Variants in EBF1 observed in about 807,000 individuals in gnomAD.
The protein encoded by EBF1 is EBF transcription factor 1.
Under a neutral mutation model 68.4 loss-of-function variants are expected in EBF1, and 10 were observed. The ratio of observed to expected loss-of-function variants is 0.15; its 90% CI spans 0.09 to 0.25. The LOEUF (loss-of-function observed/expected upper bound fraction) is 0.25, where lower values mean the gene tolerates loss of function less well. EBF1 is among the 10% of genes least tolerant of loss of function. EBF1 has a pLI of 1.00. For synonymous variants in EBF1, 298 were observed against 299.8 expected (o/e 0.99, Z 0.06); for missense variants, 509 against 794.4 (o/e 0.64, Z 4.32).
At chr5:159,096,213 A>T in intron 3 of EBF1, 130 bp downstream of exon 3, 2 of 985,692 alleles carry the variant, frequency 2.0e-6, no homozygotes, top group Non-Finnish European at 2.9e-6. Context: ...AATTTAGGAG[A>T]GGCTGGTTCA....
chr5:158,935,503 C>A (rs1264919904), intron 6 of EBF1, among the ~76,000 whole-genome samples: 1 of 152,194 alleles, frequency 6.6e-6, no homozygotes, highest in Non-Finnish European at 1.5e-5. Context: ...TGCAGACTCA[C>A]TGCATGTGCA....
chr5:158,992,841 C>T (rs1173855998), intron 6 of EBF1, among the ~76,000 whole-genome samples: 1 of 148,212 alleles, frequency 6.7e-6, no homozygotes, highest in African/African-American at 2.5e-5. Context: ...CTGTGCTTGT[C>T]TATTTTGCTG....
intron 6 of EBF1, among the ~76,000 whole-genome samples, chr5:158,974,609 A>G (rs946343267): frequency 4.6e-5 from 7 of 152,214 alleles, no homozygotes; most frequent in African/African-American, 1.7e-4. Flanking sequence ...CGCTGTCATG[A>G]TCAATCGTAA....
chr5:158,879,609 G>T (rs187621254), intron 6 of EBF1, among the ~76,000 whole-genome samples: 1 of 152,090 alleles, frequency 6.6e-6, no homozygotes, highest in Non-Finnish European at 1.5e-5. Context: ...GAATAGTGCC[G>T]CAATAAACAT....
At chr5:159,091,196 C>A (rs1035684563) in intron 4 of EBF1, among the ~76,000 whole-genome samples, 1 of 152,166 alleles carries the variant, frequency 6.6e-6, no homozygotes, top group Non-Finnish European at 1.5e-5. Flanking sequence ...TAAATATCCC[C>A]GAACAAATGG....
At position 158,999,725 on chromosome 5, in the gene EBF1, A is replaced by G. The variant is rs1020999527; in HGVS notation, c.554+73671T>C. On this transcript the variant is annotated intron_variant, in intron 6 of 15. Coordinates refer to ENST00000313708, the MANE Select transcript of EBF1 (RefSeq NM_024007.5). ...TTTTTTTCTTTCTTCTTTGAAATGA[A>G]GCACAAAGATTCAATAAGAAATAAA... 3.3e-5 allele frequency among the ~76,000 whole-genome samples: 5 copies of G among 152,342 alleles called. No homozygotes were observed. The South Asian group carries it at 1.0e-3, about 32-fold the overall frequency.
At chr5:159,043,311 G>A (rs926587717) in intron 6 of EBF1, among the ~76,000 whole-genome samples, 4 of 152,144 alleles carry the variant, frequency 2.6e-5, no homozygotes, top group African/African-American at 9.7e-5. Flanking sequence ...CTTCACTGAG[G>A]ACACATTTCC....
In EBF1 at chr5:158,720,463, T is replaced by C. The variant is rs191469925; in HGVS notation, c.1126-6281A>G. Among the ~76,000 whole-genome samples the C allele has an allele frequency of 2.9e-3, 436 of 152,276 alleles. 2 individuals are homozygous for C. Among genetic ancestry groups the C allele is most frequent in the African/African-American group, 9.9e-3 (411 of 41,568 alleles). Reference sequence around the variant, plus strand: ...AGCCAAATGGAAAATTCCACAATGGTAGACTTTGCATTCTAAAAAATCAGT... The same window carrying C: ...AGCCAAATGGAAAATTCCACAATGGCAGACTTTGCATTCTAAAAAATCAGT... On this transcript the variant is annotated intron_variant, in intron 11 of 15. Transcript: ENST00000313708.
chr5:158,971,119 G>A (rs1238997665), intron 6 of EBF1, among the ~76,000 whole-genome samples: 3 of 152,208 alleles, frequency 2.0e-5, no homozygotes, highest in Non-Finnish European at 4.4e-5. Context: ...CATTTATCAT[G>A]GACTCAAAAT....
intron 8 of EBF1, among the ~76,000 whole-genome samples, chr5:158,811,843 C>T (rs1782731746): frequency 6.6e-6 from 1 of 152,088 alleles, no homozygotes; most frequent in Admixed American, 6.5e-5. Context: ...TCCCTATTTG[C>T]CCTCCCTACA....
At chr5:158,901,135 C>T (rs1803227253) in intron 6 of EBF1, among the ~76,000 whole-genome samples, 1 of 152,234 alleles carries the variant, frequency 6.6e-6, no homozygotes. Context: ...TTGTTAACTT[C>T]TACCACATGG....
chr5:158,863,381 C>T (rs1467279683), intron 6 of EBF1, among the ~76,000 whole-genome samples: 1 of 152,236 alleles, frequency 6.6e-6, no homozygotes, highest in Non-Finnish European at 1.5e-5. Context: ...TCACATTGCT[C>T]TATGACTGCC....
At chr5:158,710,439 T>C (rs1758945841) in intron 14 of EBF1, among the ~76,000 whole-genome samples, 1 of 152,194 alleles carries the variant, frequency 6.6e-6, no homozygotes, top group Non-Finnish European at 1.5e-5. Context: ...ATCGAAACAT[T>C]TTCTGACTGA....
At chr5:158,892,951 G>A (rs1415125590) in intron 6 of EBF1, among the ~76,000 whole-genome samples, 2 of 151,410 alleles carry the variant, frequency 1.3e-5, no homozygotes, top group Non-Finnish European at 2.9e-5. Context: ...TATTCCTTTG[G>A]CTTCATTTCT....
At chr5:158,939,203 A>AG (rs1812724718) in intron 6 of EBF1, among the ~76,000 whole-genome samples, 1 of 152,306 alleles carries the variant, frequency 6.6e-6, no homozygotes, top group South Asian at 2.1e-4. Flanking sequence ...ACAAGGGCTG[A>AG]GTCTTCTGAA....
chr5:158,752,009 G>C (rs1769009056), intron 10 of EBF1, among the ~76,000 whole-genome samples: 1 of 151,898 alleles, frequency 6.6e-6, no homozygotes, highest in Non-Finnish European at 1.5e-5. Context: ...TAAGGTTCAA[G>C]GGAATAATTA....
chr5:158,921,220 T>C (rs1009551284), intron 6 of EBF1, among the ~76,000 whole-genome samples: 5 of 151,708 alleles, frequency 3.3e-5, no homozygotes, highest in Non-Finnish European at 7.3e-5. Context: ...GTTTCGCCTA[T>C]GTTAGCCCTT....
intron 11 of EBF1, among the ~76,000 whole-genome samples, chr5:158,727,040 T>C (rs1449566900): frequency 6.6e-6 from 1 of 152,226 alleles, no homozygotes; most frequent in Non-Finnish European, 1.5e-5. Context: ...GCAGCTGCTT[T>C]ACAGAGGAGA....
chr5:158,851,237 T>C (rs758177872), intron 6 of EBF1, among the ~76,000 whole-genome samples: 3 of 151,200 alleles, frequency 2.0e-5, no homozygotes, highest in Non-Finnish European at 2.9e-5. Context: ...TAGCCAGGCG[T>C]GGTGGTGCAC....
Sources: allele counts gnomAD v4.1 joint callset (sites outside exome capture counted in the v4.1 genomes callset), GRCh38; gene constraint gnomAD v4.1.1; transcripts MANE v1.5; gene names NCBI Gene and HGNC (gene_info 2026-07-23, HGNC 2026-07-21).